Variants in KIF18A observed in about 807,000 individuals in gnomAD.
KIF18A encodes the protein kinesin family member 18A.
Under a neutral mutation model 103.3 loss-of-function variants are expected in KIF18A, and 67 were observed. The ratio of observed to expected loss-of-function variants is 0.65; its 90% CI spans 0.53 to 0.79. The LOEUF is 0.79. KIF18A is among the 30% of genes least tolerant of loss of function. KIF18A has a pLI of 0.00. For synonymous variants in KIF18A, 367 were observed against 355.5 expected (o/e 1.03, Z -0.36); for missense variants, 1,032 against 1,062.5 (o/e 0.97, Z 0.40).
At chr11:28,022,268 G>GT (rs200643729) in intron 16 of KIF18A, among the ~76,000 whole-genome samples, 2,823 of 142,542 alleles carry the variant, frequency 0.02, 37 homozygotes, top group African/African-American at 0.02. Flanking sequence ...TATGATTTGA[G>GT]TTTTTTTTTT....
At chr11:28,096,133 A>C (rs1851367759) in intron 2 of KIF18A, among the ~76,000 whole-genome samples, 3 of 130,136 alleles carry the variant, frequency 2.3e-5, no homozygotes, top group Middle Eastern at 9.6e-3. Context: ...CTGTGATTGC[A>C]CCAGCGCACT....
chr11:28,074,784 G>A (rs1376944309), intron 10 of KIF18A, among the ~76,000 whole-genome samples: 1 of 152,024 alleles, frequency 6.6e-6, no homozygotes, highest in Non-Finnish European at 1.5e-5. Context: ...ACATGTTTGG[G>A]GTGGTAGTTT....
chr11:28,023,708 C>T (rs773412995), intron 16 of KIF18A, 33 bp downstream of exon 16: 1 of 1,192,000 alleles, frequency 8.4e-7, no homozygotes. Flanking sequence ...CAGAGTCATA[C>T]CATTAAATAT....
Position 28,083,249 on chromosome 11 carries a change from G to A in KIF18A, c.1075-6C>T, listed in dbSNP as rs750106530. On this transcript the variant is annotated splice_polypyrimidine_tract_variant and splice_region_variant and intron_variant, in intron 7 of 16. Transcript: ENST00000263181. Reference sequence around the variant, plus strand: ...TTAAGAACATTGCTCTTCAACTGTTGAAAGATAGAAATTATGATTGTTTAT... The same window carrying A: ...TTAAGAACATTGCTCTTCAACTGTTAAAAGATAGAAATTATGATTGTTTAT... 12 of 1,545,512 alleles carry A rather than the reference G, an allele frequency of 7.8e-6. No homozygotes were observed. The Admixed American group carries it at 2.7e-4, about 34-fold the overall frequency.
chr11:28,079,071 A>G (rs1271308077), intron 9 of KIF18A, among the ~76,000 whole-genome samples: 1 of 152,086 alleles, frequency 6.6e-6, no homozygotes, highest in Non-Finnish European at 1.5e-5. Flanking sequence ...TTGAAATATG[A>G]AAAACATCCA....
chr11:28,107,870 G>A (rs1187236873), intron 1 of KIF18A, among the ~76,000 whole-genome samples, 194 bp downstream of exon 1: 1 of 152,178 alleles, frequency 6.6e-6, no homozygotes, highest in Non-Finnish European at 1.5e-5. Context: ...TTACGGTCAA[G>A]CAGAGCTGTG....
intron 13 of KIF18A, among the ~76,000 whole-genome samples, chr11:28,043,197 C>T (rs901403114): frequency 3.3e-5 from 5 of 151,766 alleles, no homozygotes; most frequent in Non-Finnish European, 7.4e-5. Flanking sequence ...AAAAAGTACC[C>T]GATATTATCA....
In KIF18A at chr11:28,091,428, T is replaced by C; in HGVS notation, c.569A>G (p.His190Arg). Residue 190 changes from histidine to arginine, a missense_variant, in exon 4 of 17, where the codon CAT becomes CGT. His to Arg is a conservative substitution (Grantham distance 29). Coordinates refer to ENST00000263181, the MANE Select transcript of KIF18A (RefSeq NM_031217.4). ...ACATACCTGGTGTAAAGTAAGTCCA[T>C]GAACGACCACCCCTTTTTGGGTATC... is the stretch of plus-strand genomic sequence containing the variant. ...REDTQKGVVV[H>R]GLTLHQPKSS... 2 of 1,602,596 alleles carry C rather than the reference T, an allele frequency of 1.2e-6. No homozygotes were observed. The highest frequency in any genetic ancestry group is 1.7e-6 in the Non-Finnish European group (2 of 1,170,320).
At chr11:28,032,139 A>G (rs1263275351) in intron 15 of KIF18A, among the ~76,000 whole-genome samples, 1 of 151,838 alleles carries the variant, frequency 6.6e-6, no homozygotes, top group Admixed American at 6.6e-5. Context: ...CAAAAGCTAA[A>G]AATAAAATAA....
chr11:28,049,785 T>C (rs934193433), intron 13 of KIF18A, among the ~76,000 whole-genome samples: 3 of 152,036 alleles, frequency 2.0e-5, no homozygotes, highest in Admixed American at 6.6e-5. Flanking sequence ...ATTAGTGTAC[T>C]CATCATAAAT....
chr11:28,046,252 T>G (rs1850631886), intron 13 of KIF18A, among the ~76,000 whole-genome samples: 1 of 150,888 alleles, frequency 6.6e-6, no homozygotes, highest in African/African-American at 2.4e-5. Context: ...CACACGTATG[T>G]TTATTGCGGC....
intron 1 of KIF18A, among the ~76,000 whole-genome samples, chr11:28,098,879 C>CAA (rs139380534): frequency 4.0e-5 from 6 of 149,730 alleles, no homozygotes; most frequent in Admixed American, 6.7e-5. Context: ...AACAAAAAGA[C>CAA]AAAAAAAAAC....
intron 11 of KIF18A, among the ~76,000 whole-genome samples, chr11:28,062,897 T>C (rs752816205): frequency 2.4e-4 from 36 of 152,050 alleles, no homozygotes; most frequent in Middle Eastern, 3.2e-3. Context: ...CCCCTCAATA[T>C]TGTCATAGCA....
At chr11:28,091,338 C>T in intron 4 of KIF18A, 71 bp downstream of exon 4, 1 of 757,796 alleles carries the variant, frequency 1.3e-6, no homozygotes. Context: ...AAAGTAAGTG[C>T]ATGGCTGGTG....
At chr11:28,053,410 C>G (rs888339972) in intron 13 of KIF18A, among the ~76,000 whole-genome samples, 7 of 151,600 alleles carry the variant, frequency 4.6e-5, no homozygotes, top group Non-Finnish European at 1.0e-4. Flanking sequence ...AAAAAAAAAT[C>G]TTGGCACATG....
chr11:28,101,064 A>G (rs1046667600), intron 1 of KIF18A, among the ~76,000 whole-genome samples: 3 of 152,098 alleles, frequency 2.0e-5, no homozygotes, highest in Non-Finnish European at 4.4e-5. Context: ...TGCCAAAGAG[A>G]CTGAGTTCAT....
Position 28,088,641 on chromosome 11 carries a change from T to C in KIF18A, c.780A>G (p.Ala260=), listed in dbSNP as rs564242322. The C allele has an allele frequency of 1.6e-5, 26 of 1,614,078 alleles. No individual in the cohort carries two copies. In the Admixed American group the frequency reaches 3.3e-4, roughly 21 times the overall value. The change falls in exon 6 of 17, where the codon GCA becomes GCG. Residue 260 remains alanine, a synonymous_variant. Transcript: ENST00000263181. ...CGGAAGTACTTGCTCGCTCAGATCC[T>C]GCCAGGTCAATGAGTGACATCTTGG... ...RIAKMSLIDL[A]GSERASTSGA... is the part of the protein sequence containing the mutation.
intron 5 of KIF18A, 76 bp downstream of exon 5, chr11:28,090,541 G>A: frequency 1.2e-6 from 1 of 855,010 alleles, no homozygotes; most frequent in Non-Finnish European, 1.9e-6. Context: ...TCACATGTAT[G>A]AAAATGATGA....
At chr11:28,046,280 A>T (rs1850632329) in intron 13 of KIF18A, among the ~76,000 whole-genome samples, 1 of 149,820 alleles carries the variant, frequency 6.7e-6, no homozygotes, top group Non-Finnish European at 1.5e-5. Flanking sequence ...ACAATAGCAA[A>T]GACTTGGAAC....
Sources: gnomAD v4.1 joint callset for allele counts (sites outside exome capture counted in the v4.1 genomes callset) on GRCh38, gnomAD v4.1.1 for gene constraint, MANE v1.5 for transcripts, NCBI Gene and HGNC (gene_info 2026-07-23, HGNC 2026-07-21) for gene names.